Variants in USP53 observed in about 807,000 individuals in gnomAD.
USP53 encodes ubiquitin carboxyl-terminal hydrolase 53.
In USP53, 71 loss-of-function variants were observed where a neutral mutation model predicts 94.9. That is an observed-to-expected ratio of 0.75 (90% CI 0.62 to 0.91). The LOEUF (loss-of-function observed/expected upper bound fraction) is 0.91. Ranked by LOEUF, USP53 falls within the 40% of genes least tolerant of loss-of-function variation. The pLI, the probability that USP53 is intolerant of heterozygous loss-of-function variation, is 0.00. For synonymous variants in USP53, 375 were observed against 422.7 expected, an observed-to-expected ratio of 0.89 and a Z score of 1.39; for missense variants, 1,173 against 1,281.0, an observed-to-expected ratio of 0.92 and a Z score of 1.29.
chr4:119,249,551 C>A (rs1166678216), intron 7 of USP53, among the ~76,000 whole-genome samples: 1 of 152,028 alleles, frequency 6.6e-6, no homozygotes, highest in Non-Finnish European at 1.5e-5. Flanking sequence ...TCATCAGAAA[C>A]CCTTTCAGAA....
At chr4:119,247,817 A>G (rs979807467) in intron 6 of USP53, among the ~76,000 whole-genome samples, 1 of 152,212 alleles carries the variant, frequency 6.6e-6, no homozygotes, top group Non-Finnish European at 1.5e-5. Flanking sequence ...TTTACTATTC[A>G]TAATTTTAGC....
chr4:119,249,973 AT>A (rs1228364237), intron 7 of USP53, among the ~76,000 whole-genome samples: 3 of 151,952 alleles, frequency 2.0e-5, no homozygotes, highest in Non-Finnish European at 4.4e-5. Flanking sequence ...CTTATGTCCT[AT>A]TTTTTAAATA....
intron 4 of USP53, among the ~76,000 whole-genome samples, chr4:119,236,573 T>C (rs1321904218): frequency 6.6e-6 from 1 of 152,238 alleles, no homozygotes; most frequent in Non-Finnish European, 1.5e-5. Flanking sequence ...CTAAACCCTT[T>C]GTTGTCATTT....
In USP53 at chr4:119,293,520, G is replaced by A; in HGVS notation, c.*309G>A. On this transcript the variant is annotated 3_prime_UTR_variant, in exon 19 of 19. Transcript: ENST00000692078. The stretch of plus-strand genomic sequence containing the variant: ...AATTCCCTTTGAATAGTCTTGGCGT[G>A]CCGTGAAAAATAGAAAATCAGGGAG... The A allele has an allele frequency of 4.7e-6, 1 of 212,448 alleles. No individual in the cohort carries two copies. The highest frequency in any genetic ancestry group is 9.2e-6 in the Non-Finnish European group (1 of 108,442). The allele number at this position is 212,448 out of a possible 1,614,324, so 13.2% of individuals were successfully genotyped here.
intron 12 of USP53, among the ~76,000 whole-genome samples, chr4:119,262,672 G>A (rs1028132758): frequency 6.6e-6 from 1 of 152,178 alleles, no homozygotes; most frequent in Non-Finnish European, 1.5e-5. Context: ...TGCTTTTGCT[G>A]TCTTGGGTGA....
rs141792929 is a variant in USP53 at position 119,218,545 on chromosome 4, A to T, written c.-665+872A>T. 68 of 152,264 alleles carry T rather than the reference A, an allele frequency of 4.5e-4. 3 individuals are homozygous for T. The East Asian group carries it at 0.012, about 28-fold the overall frequency. The allele number at this position is 152,264 out of a possible 1,614,324, so 9.4% of individuals were successfully genotyped here. Reference sequence around the variant, plus strand: ...TAAAACTTACTGTTTTTTTGTTGGCAGTATTATAGTCTTTTTTCTTATTAA... The same window carrying T: ...TAAAACTTACTGTTTTTTTGTTGGCTGTATTATAGTCTTTTTTCTTATTAA... On this transcript the variant is annotated intron_variant, in intron 3 of 18. Coordinates refer to ENST00000692078, the MANE Select transcript of USP53 (RefSeq NM_001371395.1).
chr4:119,234,295 A>G (rs938002173), intron 3 of USP53, among the ~76,000 whole-genome samples: 5 of 152,270 alleles, frequency 3.3e-5, no homozygotes, highest in African/African-American at 1.2e-4. Context: ...CTTGGTTGCC[A>G]TTTCCTTAAC....
At chr4:119,247,096 A>G (rs945984206) in intron 6 of USP53, among the ~76,000 whole-genome samples, 3 of 152,168 alleles carry the variant, frequency 2.0e-5, no homozygotes, top group African/African-American at 7.2e-5. Flanking sequence ...ATGAACCTAG[A>G]TCACATTACA....
intron 3 of USP53, among the ~76,000 whole-genome samples, chr4:119,232,566 C>T (rs185902218): frequency 6.6e-6 from 1 of 152,178 alleles, no homozygotes; most frequent in Admixed American, 6.5e-5. Flanking sequence ...TGGGTTGTTT[C>T]CACTTTTTGA....
At chr4:119,249,259 T>G (rs1748643853) in intron 7 of USP53, among the ~76,000 whole-genome samples, 1 of 152,136 alleles carries the variant, frequency 6.6e-6, no homozygotes, top group Non-Finnish European at 1.5e-5. Flanking sequence ...TGATTCTCAC[T>G]GGGAGAGAAG....
chr4:119,290,834 T>TAAAAAAA (rs1754670313), intron 17 of USP53, among the ~76,000 whole-genome samples: 1 of 152,162 alleles, frequency 6.6e-6, no homozygotes, highest in Admixed American at 6.5e-5. Context: ...AGGGTTTTTT[T>TAAAAAAA]CACTGTTAAC....
intron 3 of USP53, among the ~76,000 whole-genome samples, chr4:119,228,592 C>T (rs60447578): frequency 0.048 from 7,240 of 152,076 alleles, 602 homozygotes; most frequent in African/African-American, 0.17. Context: ...TTCTGCCTAC[C>T]ACAGTGAGGA....
chr4:119,213,929 G>C (rs1743330453), intron 1 of USP53, 141 bp from the exon 2 acceptor site: 1 of 151,290 alleles, frequency 6.6e-6, no homozygotes, highest in Non-Finnish European at 1.5e-5. Flanking sequence ...TTGTGATTAA[G>C]ATCTGATTCA....
intron 5 of USP53, among the ~76,000 whole-genome samples, chr4:119,243,148 T>C (rs10010696): frequency 0.29 from 43,958 of 152,106 alleles, 6,512 homozygotes; most frequent in East Asian, 0.39. Context: ...ATTAGTTCAA[T>C]AACTATCTTA....
At chr4:119,252,380 G>A (rs1161150829) in intron 7 of USP53, among the ~76,000 whole-genome samples, 1 of 152,074 alleles carries the variant, frequency 6.6e-6, no homozygotes, top group East Asian at 1.9e-4. Context: ...TTTTTGGTTG[G>A]TAGGCTATTG....
At chr4:119,225,750 C>G (rs1237132249) in intron 3 of USP53, among the ~76,000 whole-genome samples, 2 of 151,228 alleles carry the variant, frequency 1.3e-5, no homozygotes, top group Non-Finnish European at 3.0e-5. Flanking sequence ...AAAACAAAAA[C>G]AAAACAAACA....
At chr4:119,242,206 T>TTTG (rs922743492) in intron 5 of USP53, among the ~76,000 whole-genome samples, 1 of 152,280 alleles carries the variant, frequency 6.6e-6, no homozygotes, top group East Asian at 1.9e-4. Context: ...AGTTACTTTT[T>TTTG]TTGTTGTTGT....
chr4:119,259,068 G>A (rs1750137536), intron 9 of USP53, among the ~76,000 whole-genome samples: 1 of 152,028 alleles, frequency 6.6e-6, no homozygotes, highest in African/African-American at 2.4e-5. Context: ...ATCACTTGAG[G>A]TCAGGAGTTC....
At chr4:119,283,653 A>G (rs998287529) in intron 17 of USP53, among the ~76,000 whole-genome samples, 11 of 151,836 alleles carry the variant, frequency 7.2e-5, no homozygotes, top group African/African-American at 2.7e-4. Flanking sequence ...GTACCAAATG[A>G]GAGAAAGGGA....
Sources: allele counts gnomAD v4.1 joint callset (sites outside exome capture counted in the v4.1 genomes callset), GRCh38; gene constraint gnomAD v4.1.1; transcripts MANE v1.5; gene names NCBI Gene and HGNC (gene_info 2026-07-23, HGNC 2026-07-21).